Variants in RNF17 observed in about 807,000 individuals in gnomAD.
RNF17 encodes ring finger protein 17, also known as spermatogenesis associated 23.
A neutral mutation model predicts 200.5 loss-of-function variants in RNF17; 31 were observed. The ratio of observed to expected loss-of-function variants is 0.15; its 90% CI spans 0.12 to 0.21. The LOEUF (loss-of-function observed/expected upper bound fraction) is 0.21. Among genes scored for constraint, RNF17 ranks in the 10% least tolerant of loss-of-function variants. RNF17 has a pLI of 1.00. For synonymous variants in RNF17, 606 were observed against 637.8 expected, an observed-to-expected ratio of 0.95 and a Z score of 0.75; for missense variants, 1,628 against 1,905.1, an observed-to-expected ratio of 0.85 and a Z score of 2.71.
chr13:24,844,664 G>A lies in RNF17; in HGVS notation c.2844G>A (p.Lys948=), dbSNP rs1442586201. 6.3e-7 allele frequency: 1 copy of A among 1,596,446 alleles called. No homozygotes were observed. The highest frequency in any genetic ancestry group is 8.6e-7 in the Non-Finnish European group (1 of 1,165,594). Reference sequence around the variant, plus strand: ...TTTATCTCTATAGTTTAGAAGAAAAGATGATAGCTGCTTATGAAAACTCAA... The same window carrying A: ...TTTATCTCTATAGTTTAGAAGAAAAAATGATAGCTGCTTATGAAAACTCAA... ...TENLLNSLEE[K]MIAAYENSKW... The change falls in exon 21 of 36, where the codon AAG becomes AAA. Residue 948 remains lysine, a synonymous_variant. Coordinates refer to ENST00000255324, the MANE Select transcript of RNF17 (RefSeq NM_031277.3).
chr13:24,842,530 A>C (rs1463837810), intron 19 of RNF17, among the ~76,000 whole-genome samples: 1 of 152,176 alleles, frequency 6.6e-6, no homozygotes, highest in African/African-American at 2.4e-5. Context: ...TTACATTTCC[A>C]TTTGTAGAAA....
upstream of RNF17, among the ~76,000 whole-genome samples, chr13:24,760,629 C>T (rs1219854203): frequency 6.6e-6 from 1 of 152,086 alleles, no homozygotes. Context: ...AACAGGATTA[C>T]ATCGAACTAT....
At chr13:24,873,435 AT>A (rs1190570644) in intron 32 of RNF17, among the ~76,000 whole-genome samples, 2 of 152,166 alleles carry the variant, frequency 1.3e-5, no homozygotes, top group Non-Finnish European at 1.5e-5. Context: ...TGTATTAAAC[AT>A]TTTTTGATAC....
chr13:24,781,917 A>G lies in RNF17; in HGVS notation c.584A>G (p.Asp195Gly), dbSNP rs1225284491. ...ATAGAAGTTGTGGAGAAACAGTTTG[A>G]CCAACTTTTGGCTTTTTTTGATTCC... The part of the protein sequence containing the change: ...RVIEVVEKQF[D>G]QLLAFFDSRK... The change falls in exon 6 of 36, where the codon GAC becomes GGC. Residue 195 changes from aspartate to glycine, a missense_variant. By Grantham distance (94) the Asp-to-Gly change is moderately conservative. Around this residue, in one of 5 missense-constraint regions of RNF17, gnomAD observed 502 missense variants for 501.7 expected, o/e 1.00. Transcript: ENST00000255324. 1 of 1,612,620 alleles carries G rather than the reference A, an allele frequency of 6.2e-7. No individual in the cohort carries two copies. The highest frequency in any genetic ancestry group is 2.2e-5 in the East Asian group (1 of 44,820).
the RNF17 span, among the ~76,000 whole-genome samples, chr13:24,754,167 T>A: frequency 2.7e-5 from 4 of 146,600 alleles, no homozygotes; most frequent in Admixed American, 6.8e-5. Flanking sequence ...AAAATAAAAT[T>A]AAAAAAAAAA....
the RNF17 span, chr13:24,886,341 G>A: frequency 7.8e-7 from 1 of 1,289,246 alleles, no homozygotes; most frequent in Non-Finnish European, 1.0e-6. Flanking sequence ...GGAGGCAGGT[G>A]GTCAGCCAAC....
At chr13:24,867,088 TTTGAG>T (rs1566249219) in intron 30 of RNF17, among the ~76,000 whole-genome samples, 1 of 152,236 alleles carries the variant, frequency 6.6e-6, no homozygotes, top group Non-Finnish European at 1.5e-5. Flanking sequence ...TTCAAATCTA[TTTGAG>T]TTATTTATCT....
At chr13:24,851,641 T>C (rs986754179) in intron 24 of RNF17, 70 bp downstream of exon 24, 50 of 896,568 alleles carry the variant, frequency 5.6e-5, no homozygotes, top group Admixed American at 4.8e-4. Context: ...GCAAATCTTA[T>C]GTGTGCTTTC....
At chr13:24,794,748 A>C (rs1051924823) in intron 10 of RNF17, among the ~76,000 whole-genome samples, 3 of 152,148 alleles carry the variant, frequency 2.0e-5, no homozygotes, top group African/African-American at 4.8e-5. Flanking sequence ...TTTGAGACAG[A>C]GTCTTACTGT....
downstream of RNF17, chr13:24,884,327 CTT>C: frequency 6.2e-7 from 1 of 1,614,158 alleles, no homozygotes; most frequent in Non-Finnish European, 8.5e-7. Flanking sequence ...ACATACCACT[CTT>C]TGGTCTGGCA....
At chr13:24,859,220 A>T in intron 26 of RNF17, 56 bp downstream of exon 26, 1 of 1,277,122 alleles carries the variant, frequency 7.8e-7, no homozygotes, top group Non-Finnish European at 1.0e-6. Context: ...AGCATTAAAT[A>T]GTCTTGTGCA....
chr13:24,853,228 A>G (rs1402694239), intron 24 of RNF17, among the ~76,000 whole-genome samples: 2 of 152,120 alleles, frequency 1.3e-5, no homozygotes, highest in Non-Finnish European at 2.9e-5. Flanking sequence ...TTTCCTTTTA[A>G]AAGTACAGGA....
intron 16 of RNF17, among the ~76,000 whole-genome samples, chr13:24,827,150 TCA>T (rs963079298): frequency 2.6e-5 from 4 of 151,990 alleles, no homozygotes; most frequent in Non-Finnish European, 5.9e-5. Flanking sequence ...CAGGCTGGTC[TCA>T]GACTCCTGAC....
Position 24,764,834 on chromosome 13 carries a change from C to T in RNF17, c.130+501C>T, listed in dbSNP as rs952993888. Among the ~76,000 whole-genome samples, 5 of 150,798 alleles carry T rather than the reference C, an allele frequency of 3.3e-5. No individual in the cohort carries two copies. In the East Asian group the frequency reaches 9.8e-4, roughly 29 times the overall value. On this transcript the variant is annotated intron_variant, in intron 1 of 35. Coordinates refer to ENST00000255324, the MANE Select transcript of RNF17 (RefSeq NM_031277.3). ...TGTTTGTTTTTTACATTATGGCTCA[C>T]ACTGGCCTAAAACACTGTTTGGAAA...
At chr13:24,853,137 C>T (rs1399141731) in intron 24 of RNF17, among the ~76,000 whole-genome samples, 1 of 152,202 alleles carries the variant, frequency 6.6e-6, no homozygotes, top group Non-Finnish European at 1.5e-5. Flanking sequence ...TGATCTCGAA[C>T]TCCTGACCTC....
chr13:24,836,137 G>A (rs762668672), intron 18 of RNF17, among the ~76,000 whole-genome samples: 6 of 152,188 alleles, frequency 3.9e-5, no homozygotes, highest in Non-Finnish European at 7.4e-5. Flanking sequence ...AAGCCTCCAA[G>A]AAGTCTGGGA....
chr13:24,777,549 C>A (rs191889280), intron 3 of RNF17, among the ~76,000 whole-genome samples: 1 of 152,184 alleles, frequency 6.6e-6, no homozygotes, highest in Non-Finnish European at 1.5e-5. Flanking sequence ...CTAGAGAATG[C>A]AACTAACTTT....
intron 22 of RNF17, 82 bp downstream of exon 22, chr13:24,845,161 T>C: frequency 1.3e-6 from 1 of 762,304 alleles, no homozygotes; most frequent in Non-Finnish European, 2.2e-6. Flanking sequence ...GCTAAGATAT[T>C]CTGAAATTTT....
intron 14 of RNF17, among the ~76,000 whole-genome samples, 179 bp downstream of exon 14, chr13:24,802,750 A>C (rs1477694050): frequency 6.6e-6 from 1 of 152,138 alleles, no homozygotes; most frequent in African/African-American, 2.4e-5. Flanking sequence ...GGATTCAGAT[A>C]ATTGGATTTA....
Sources: gnomAD v4.1 joint callset for allele counts (sites outside exome capture counted in the v4.1 genomes callset) on GRCh38, gnomAD v4.1.1 for gene constraint, gnomAD v4.1.1 regional missense constraint, MANE v1.5 for transcripts, NCBI Gene and HGNC (gene_info 2026-07-23, HGNC 2026-07-21) for gene names.